Variants in NYAP2 observed in about 807,000 individuals in gnomAD.
The protein encoded by NYAP2 is neuronal tyrosine-phosphorylated phosphoinositide-3-kinase adapter 2.
Under a neutral mutation model 50.4 loss-of-function variants are expected in NYAP2, and 23 were observed. The ratio of observed to expected loss-of-function variants is 0.46; its 90% CI spans 0.33 to 0.65. NYAP2 has a LOEUF of 0.65. NYAP2 is among the 30% of genes least tolerant of loss of function. The probability of loss-of-function intolerance (pLI) is 0.02; values close to 1 mark genes in which losing one functional copy is unlikely to be tolerated. For missense variants in NYAP2, 885 were observed against 861.0 expected (o/e 1.03, Z -0.35); for synonymous variants, 394 against 365.2 (o/e 1.08, Z -0.90).
chr2:225,432,452 ATATC>A (rs1360044976), intron 3 of NYAP2, among the ~76,000 whole-genome samples: 7 of 149,788 alleles, frequency 4.7e-5, no homozygotes, highest in Non-Finnish European at 1.0e-4. Flanking sequence ...ATATGTGTGT[ATATC>A]TATTATATAG....
At chr2:225,603,294 G>A (rs1273756041) in intron 5 of NYAP2, among the ~76,000 whole-genome samples, 1 of 152,074 alleles carries the variant, frequency 6.6e-6, no homozygotes, top group East Asian at 1.9e-4. Context: ...CTAGGTGCTA[G>A]CATCTTTATT....
intron 5 of NYAP2, among the ~76,000 whole-genome samples, chr2:225,598,583 GA>G (rs1262413603): frequency 3.3e-5 from 5 of 151,766 alleles, no homozygotes; most frequent in East Asian, 1.9e-4. Flanking sequence ...TGGAATGTCA[GA>G]AAAAAAACAC....
At chr2:225,465,268 C>T (rs1689898601) in intron 3 of NYAP2, among the ~76,000 whole-genome samples, 1 of 152,088 alleles carries the variant, frequency 6.6e-6, no homozygotes, top group African/African-American at 2.4e-5. Context: ...CAGATCTCTA[C>T]TTGTGCATGA....
intron 3 of NYAP2, among the ~76,000 whole-genome samples, chr2:225,419,455 T>C (rs1559174875): frequency 6.6e-6 from 1 of 152,186 alleles, no homozygotes; most frequent in Non-Finnish European, 1.5e-5. Context: ...TGGATGTGGG[T>C]GAAACGGAAC....
intron 4 of NYAP2, among the ~76,000 whole-genome samples, chr2:225,571,098 G>A (rs1215569803): frequency 6.6e-6 from 1 of 152,244 alleles, no homozygotes; most frequent in African/African-American, 2.4e-5. Context: ...TCATGCTGAT[G>A]CAAGAATTGG....
intron 6 of NYAP2, among the ~76,000 whole-genome samples, chr2:225,648,032 C>T (rs560526044): frequency 7.4e-4 from 113 of 152,142 alleles, no homozygotes; most frequent in African/African-American, 2.6e-3. Flanking sequence ...TGGAGTTTTG[C>T]TCTTGTTGCC....
At chr2:225,409,473 T>A (rs1694996609) in intron 3 of NYAP2, among the ~76,000 whole-genome samples, 1 of 152,040 alleles carries the variant, frequency 6.6e-6, no homozygotes, top group Non-Finnish European at 1.5e-5. Flanking sequence ...TTGGTTATAG[T>A]TCTTACCTTT....
intron 4 of NYAP2, among the ~76,000 whole-genome samples, chr2:225,532,097 A>T (rs925928921): frequency 6.6e-6 from 1 of 152,196 alleles, no homozygotes; most frequent in Non-Finnish European, 1.5e-5. Context: ...CTGGATGTTA[A>T]TTTTAATCTT....
chr2:225,622,576 T>TTTCTTTC (rs1559232979), intron 5 of NYAP2, among the ~76,000 whole-genome samples: 1 of 113,818 alleles, frequency 8.8e-6, no homozygotes, highest in African/African-American at 3.0e-5. Flanking sequence ...TCTTTCTTTC[T>TTTCTTTC]TTCTTCTTTC....
intron 6 of NYAP2, among the ~76,000 whole-genome samples, chr2:225,641,269 C>G (rs1693525041): frequency 6.6e-6 from 1 of 152,080 alleles, no homozygotes; most frequent in Non-Finnish European, 1.5e-5. Context: ...CTGCGAAAAG[C>G]CACAAAAGAC....
chr2:225,506,162 C>T (rs1402896604), intron 3 of NYAP2, among the ~76,000 whole-genome samples: 3 of 152,104 alleles, frequency 2.0e-5, no homozygotes, highest in Admixed American at 6.6e-5. Context: ...TTTAACTAAT[C>T]CTTTTATTAG....
chr2:225,574,658 TC>T (rs1048680463), intron 4 of NYAP2, among the ~76,000 whole-genome samples: 1 of 151,078 alleles, frequency 6.6e-6, no homozygotes, highest in Non-Finnish European at 1.5e-5. Context: ...TTGTGGGCTT[TC>T]TATGAATGAG....
intron 5 of NYAP2, among the ~76,000 whole-genome samples, chr2:225,622,579 CT>C (rs1559232990): frequency 2.8e-5 from 2 of 71,552 alleles, no homozygotes; most frequent in Admixed American, 1.6e-4. Context: ...TTCTTTCTTT[CT>C]TCTTTCTTTT....
Position 225,423,545 on chromosome 2 carries a change from A to G in NYAP2, c.221+14444A>G, listed in dbSNP as rs371293315. 9.8e-5 allele frequency among the ~76,000 whole-genome samples: 15 copies of G among 152,318 alleles called. No individual in the cohort carries two copies. In the South Asian group the frequency reaches 1.7e-3, roughly 17 times the overall value. ...TATTCTAGGAACTATAACTTGGGAA[A>G]AAAATGAAATGGCCTCAGTGAACAT... On this transcript the variant is annotated intron_variant, in intron 3 of 6. Transcript: ENST00000636099.
chr2:225,453,573 T>G (rs1689686918), intron 3 of NYAP2, among the ~76,000 whole-genome samples: 1 of 152,202 alleles, frequency 6.6e-6, no homozygotes, highest in Non-Finnish European at 1.5e-5. Flanking sequence ...AACTTTTAAT[T>G]ACTGTTTTAA....
chr2:225,422,396 A>C (rs2106127710), intron 3 of NYAP2, among the ~76,000 whole-genome samples: 1 of 152,292 alleles, frequency 6.6e-6, no homozygotes, highest in African/African-American at 2.4e-5. Context: ...CTGCCAGTCA[A>C]ATCACAAATA....
chr2:225,541,189 A>C (rs887396308), intron 4 of NYAP2, among the ~76,000 whole-genome samples: 2 of 152,102 alleles, frequency 1.3e-5, no homozygotes, highest in African/African-American at 4.8e-5. Flanking sequence ...TCAGGTTTTA[A>C]ATCCCTTGTT....
chr2:225,451,955 TACAC>T (rs912769679), intron 3 of NYAP2, among the ~76,000 whole-genome samples: 4 of 151,916 alleles, frequency 2.6e-5, no homozygotes, highest in African/African-American at 9.7e-5. Flanking sequence ...TATATGCACA[TACAC>T]ACACACGTAT....
intron 5 of NYAP2, among the ~76,000 whole-genome samples, chr2:225,588,287 G>A (rs1475024295): frequency 6.6e-6 from 1 of 151,910 alleles, no homozygotes; most frequent in African/African-American, 2.4e-5. Context: ...AATGAGTCTT[G>A]TAGATCTGAT....
Sources: allele counts gnomAD v4.1 joint callset (sites outside exome capture counted in the v4.1 genomes callset), GRCh38; gene constraint gnomAD v4.1.1; transcripts MANE v1.5; gene names NCBI Gene and HGNC (gene_info 2026-07-23, HGNC 2026-07-21).